SLC34A3: variants seen among roughly 807,000 people sequenced by gnomAD.
SLC34A3 encodes the protein solute carrier family 34 member 3, also known as sodium-dependent phosphate transport protein 2C.
A neutral mutation model predicts 43.9 loss-of-function variants in SLC34A3; 60 were observed. The observed-to-expected ratio is 1.37, with a 90% CI of 1.11 to 1.70. The LOEUF (loss-of-function observed/expected upper bound fraction) is 1.70. SLC34A3 is among the 40% of genes most tolerant of loss of function. The probability of loss-of-function intolerance (pLI) is 0.00; values close to 1 mark genes in which losing one functional copy is unlikely to be tolerated. For missense variants in SLC34A3, 969 were observed against 823.8 expected (o/e 1.18, Z -2.16); for synonymous variants, 451 against 386.2 (o/e 1.17, Z -1.97).
Position 137,233,311 on chromosome 9 carries a change from G to A in SLC34A3, c.663G>A (p.Glu221=). 2 of 1,598,934 alleles carry A rather than the reference G, an allele frequency of 1.3e-6. No individual in the cohort carries two copies. The highest frequency in any genetic ancestry group is 1.3e-5 in the African/African-American group (1 of 74,704). Residue 221 remains glutamate, a synonymous_variant, in exon 7 of 13, where the codon GAG becomes GAA. Transcript: ENST00000673835. ...SATALLERLS[E]LALGAASLTP... is the part of the protein sequence containing the mutation. The stretch of plus-strand genomic sequence containing the variant: ...CGGCCCTGCTGGAGAGGCTAAGTGA[G>A]CTAGCCCTGGGTGCCGCCAGCCTGA...
intron 12 of SLC34A3, 53 bp from the exon 13 acceptor site, chr9:137,235,899 C>T (rs996088791): frequency 7.6e-5 from 120 of 1,576,778 alleles, no homozygotes; most frequent in Non-Finnish European, 9.7e-5. Context: ...TCCGGGGCCC[C>T]TGGTGACCCC....
rs925400939 is a variant in SLC34A3 at position 137,236,117 on chromosome 9, C to T, written c.1501C>T (p.Leu501=). ...GCTGCTCGGATTCCTGCTGCTGCCC[C>T]TGGCGGCCTTCGGGCTCTCCCTGGC... ...YLLLGFLLLP[L]AAFGLSLAGG... is the part of the protein sequence containing the mutation. Residue 501 remains leucine, a synonymous_variant, in exon 13 of 13, where the codon CTG becomes TTG. Transcript: ENST00000673835. 2.5e-6 allele frequency: 4 copies of T among 1,611,592 alleles called. No homozygotes were observed. The East Asian group carries it at 6.7e-5, about 27-fold the overall frequency.
Position 137,233,377 on chromosome 9 carries a change from G to A in SLC34A3, c.729G>A (p.Thr243=), listed in dbSNP as rs768534211. The A allele has an allele frequency of 2.9e-5, 47 of 1,605,272 alleles. No homozygotes were observed. Among genetic ancestry groups the A allele is most frequent in the South Asian group, 4.4e-5 (4 of 90,328 alleles). The stretch of plus-strand genomic sequence containing the variant: ...CGCCCGACATCCTCAAGGTGCTGAC[G>A]AAGCCGCTCACACACCTCATCGTGC... The part of the protein sequence containing the change: ...AQAPDILKVL[T]KPLTHLIVQL... The change falls in exon 7 of 13, where the codon ACG becomes ACA. Residue 243 remains threonine (T), a synonymous_variant. Transcript: ENST00000673835.
rs1046460008 is a variant in SLC34A3 at position 137,236,487 on chromosome 9, T to A, written c.*71T>A. ...GCTCTGGAGGGCCCTGGAGGGGGGGTCCCCGCGGCAGCTGACCTCCGGTCA... is the reference window on the plus strand; with the variant it reads ...GCTCTGGAGGGCCCTGGAGGGGGGGACCCCGCGGCAGCTGACCTCCGGTCA... On this transcript the variant is annotated 3_prime_UTR_variant, in exon 13 of 13. Transcript: ENST00000673835. 2.7e-5 allele frequency: 36 copies of A among 1,340,708 alleles called. No individual in the cohort carries two copies. In the African/African-American group the frequency reaches 4.3e-4, roughly 16 times the overall value. 83.1% of individuals were successfully genotyped at this position (1,340,708 alleles called of 1,614,324 possible). A position where few individuals can be genotyped will look rare whatever the true frequency, so the allele number is the denominator to read the frequency against.
Position 137,233,105 on chromosome 9 carries a change from G to C in SLC34A3, c.550G>C (p.Glu184Gln). Residue 184 changes from glutamate (E) to glutamine (Q), a missense_variant, in exon 6 of 13, where the codon GAA (glutamate) becomes CAA (glutamine). Glu to Gln is a conservative substitution (Grantham distance 29). Coordinates refer to ENST00000673835, the MANE Select transcript of SLC34A3 (RefSeq NM_001177316.2). ...AATGGCGCAGTCAGGGGACCGGGATGAATTTCAGAGGTGAGTTGTGGGTGG... is the reference window on the plus strand; with the variant it reads ...AATGGCGCAGTCAGGGGACCGGGATCAATTTCAGAGGTGAGTTGTGGGTGG... ...VSMAQSGDRD[E>Q]FQRAFSGSAV... 6 of 1,517,888 alleles carry C rather than the reference G, an allele frequency of 4.0e-6. No homozygotes were observed. The highest frequency in any genetic ancestry group is 5.3e-6 in the Non-Finnish European group (6 of 1,122,444). The allele number at this position is 1,517,888 out of a possible 1,614,324, so 94.0% of individuals were successfully genotyped here. A position where few individuals can be genotyped will look rare whatever the true frequency, so the allele number is the denominator to read the frequency against.
Position 137,231,681 on chromosome 9 carries a change from G to A in SLC34A3, c.-22G>A. The A allele has an allele frequency of 3.1e-6, 5 of 1,608,640 alleles. No individual in the cohort carries two copies. Among genetic ancestry groups the A allele is most frequent in the Non-Finnish European group, 4.3e-6 (5 of 1,176,244 alleles). On this transcript the variant is annotated 5_prime_UTR_variant, in exon 2 of 13. Transcript: ENST00000673835. ...CCCAGCAGATCTAGACCTGGGCCTG[G>A]GTCTGTCCCTGCCCGAAATCCATGC...
intron 12 of SLC34A3, 95 bp from the exon 13 acceptor site, chr9:137,235,857 C>T (rs534182943): frequency 3.3e-5 from 37 of 1,128,038 alleles, no homozygotes; most frequent in Admixed American, 2.2e-4. Context: ...TCAGACTTGG[C>T]GCTCCTTCTG....
rs1836592794 is a variant in SLC34A3, at chr9:137,236,292, TG to T, written c.1678del (p.Glu560SerfsTer7). On this transcript the variant is annotated frameshift_variant, in exon 13 of 13. Transcript: ENST00000673835. LOFTEE classifies it low-confidence loss of function (END_TRUNC). ...TGGCTCCCCGTCTGGCTCCATTCTC[TG>T]GAGCCCTGGGACCGCCTGGTGACCC... is the stretch of plus-strand genomic sequence containing the variant. ...WAWLPVWLHS[L>X]EPWDRLVTRC... The T allele has an allele frequency of 6.5e-7, 1 of 1,542,744 alleles. No individual in the cohort carries two copies. The highest frequency in any genetic ancestry group is 1.2e-5 in the South Asian group (1 of 84,162).
chr9:137,233,424 C>A lies in SLC34A3; in HGVS notation c.756+20C>A, dbSNP rs1013231008. ...GTGCAGGTGAGGACGGCCACCGCCC[C>A]CGCCCAGAGAGCCTGAGCAGGCCGG... On this transcript the variant is annotated intron_variant, in intron 7 of 12. Transcript: ENST00000673835. 1.3e-6 allele frequency: 2 copies of A among 1,592,982 alleles called. No individual in the cohort carries two copies. Among genetic ancestry groups the A allele is most frequent in the Non-Finnish European group, 1.7e-6 (2 of 1,172,630 alleles).
In SLC34A3 at chr9:137,235,936, GC is replaced by G. The variant is rs71387810; in HGVS notation, c.1336-11del. 5 of 1,609,980 alleles carry G rather than the reference GC, an allele frequency of 3.1e-6. No individual in the cohort carries two copies. ...CCTCGTTGGGCCCAGGCCCCTGACA[GC>G]CCCCTCGCCCCCAGGTCGCCCTCAT... On this transcript the variant is annotated splice_polypyrimidine_tract_variant and intron_variant, in intron 12 of 12. Transcript: ENST00000673835.
Position 137,232,692 on chromosome 9 carries a change from A to G in SLC34A3, c.293A>G (p.Gln98Arg). The G allele has an allele frequency of 6.2e-7, 1 of 1,612,908 alleles. No individual in the cohort carries two copies. The highest frequency in any genetic ancestry group is 2.2e-5 in the East Asian group (1 of 44,878). Reference protein sequence around the residue: ...CSLDVLSSAFQLLGSKVAGDI... With the variant: ...CSLDVLSSAFRLLGSKVAGDI... The stretch of plus-strand genomic sequence containing the variant: ...CTGGACGTCCTCAGCTCCGCCTTCC[A>G]GCTGCTGGGCAGTGAGTGACGGGAC... The change falls in exon 4 of 13, where the codon CAG becomes CGG. Residue 98 changes from glutamine (Q) to arginine (R), a missense_variant. Transcript: ENST00000673835.
At chr9:137,235,897 C>G in intron 12 of SLC34A3, 55 bp from the exon 13 acceptor site, 1 of 1,563,930 alleles carries the variant, frequency 6.4e-7, no homozygotes, top group Non-Finnish European at 8.8e-7. Context: ...GGTCCGGGGC[C>G]CCTGGTGACC....
At chr9:137,232,215 G>A (rs1836261665) in intron 3 of SLC34A3, 54 bp downstream of exon 3, 31 of 1,529,200 alleles carry the variant, frequency 2.0e-5, no homozygotes, top group Non-Finnish European at 2.8e-5. Flanking sequence ...TCCCCAACGG[G>A]ACTGGGGAGA....
chr9:137,233,779 T>TTGGGGGCCCCCCCC, intron 8 of SLC34A3, 57 bp downstream of exon 8: 12 of 1,445,652 alleles, frequency 8.3e-6, no homozygotes, highest in Non-Finnish European at 1.2e-5. Context: ...TGCTGAGTCA[T>TTGGGGGCCCCCCCC]CCCGCCCCAC....
rs777540844 is a variant in SLC34A3 at position 137,233,292 on chromosome 9, T to G, written c.644T>G (p.Leu215Arg). ...CTGCCACTGGAGAGCGCCACGGCCC[T>G]GCTGGAGAGGCTAAGTGAGCTAGCC... The part of the protein sequence containing the change: ...VLLPLESATA[L>R]LERLSELALG... Residue 215 changes from leucine (L) to arginine (R), a missense_variant, in exon 7 of 13, where the codon CTG becomes CGG. Leu to Arg is a moderately radical substitution (Grantham distance 102). Transcript: ENST00000673835. 1 of 1,592,486 alleles carries G rather than the reference T, an allele frequency of 6.3e-7. No homozygotes were observed. The highest frequency in any genetic ancestry group is 2.3e-5 in the East Asian group (1 of 43,666).
chr9:137,233,779 T>TCCA, intron 8 of SLC34A3, 57 bp downstream of exon 8: 1 of 1,445,820 alleles, frequency 6.9e-7, no homozygotes. Flanking sequence ...TGCTGAGTCA[T>TCCA]CCCGCCCCAC....
At chr9:137,233,791 C>A in intron 8 of SLC34A3, 69 bp downstream of exon 8, 5 of 1,496,288 alleles carry the variant, frequency 3.3e-6, no homozygotes, top group Non-Finnish European at 3.7e-6. Context: ...CCGCCCCACC[C>A]ACCCTCACCT....
At chr9:137,232,468 C>T in intron 3 of SLC34A3, 107 bp from the exon 4 acceptor site, 1 of 1,490,672 alleles carries the variant, frequency 6.7e-7, no homozygotes, top group Non-Finnish European at 9.1e-7. Context: ...AAATGGGACC[C>T]AGCCCTGTTG....
upstream of SLC34A3, among the ~76,000 whole-genome samples, chr9:137,230,380 G>A (rs1408874217): frequency 6.6e-6 from 1 of 152,164 alleles, no homozygotes; most frequent in African/African-American, 2.4e-5. Context: ...TGAACCCTCT[G>A]ACCTCGGGCT....
Sources: gnomAD v4.1 joint callset for allele counts (sites outside exome capture counted in the v4.1 genomes callset) on GRCh38, gnomAD v4.1.1 for gene constraint, MANE v1.5 for transcripts, NCBI Gene and HGNC (gene_info 2026-07-23, HGNC 2026-07-21) for gene names.